The following POU6F1 variants were observed in gnomAD, a reference collection of about 807,000 sequenced individuals.
POU6F1 encodes POU domain, class 6, transcription factor 1.
Under a neutral mutation model 28.9 loss-of-function variants are expected in POU6F1, and 9 were observed. The ratio of observed to expected loss-of-function variants is 0.31; its 90% CI spans 0.19 to 0.54. The LOEUF (loss-of-function observed/expected upper bound fraction) is 0.54. Ranked by LOEUF, POU6F1 falls within the 20% of genes least tolerant of loss-of-function variation. The pLI is 0.94. For synonymous variants in POU6F1, 173 were observed against 171.1 expected (o/e 1.01, Z -0.09); for missense variants, 338 against 426.1 (o/e 0.79, Z 1.82).
intron 8 of POU6F1, among the ~76,000 whole-genome samples, chr12:51,193,802 CTATAAA>C (rs1942615505): frequency 6.6e-6 from 1 of 152,064 alleles, no homozygotes; most frequent in African/African-American, 2.4e-5. Context: ...TCAGAAGAAA[CTATAAA>C]TATATGAAAG....
Position 51,196,167 on chromosome 12 carries a change from C to A in POU6F1, c.982G>T (p.Gly328Ter). 1 of 1,512,840 alleles carries A rather than the reference C, an allele frequency of 6.6e-7. No homozygotes were observed. Among genetic ancestry groups the A allele is most frequent in the Non-Finnish European group, 8.8e-7 (1 of 1,133,496 alleles). The allele number at this position is 1,512,840 out of a possible 1,614,324, so 93.7% of individuals were successfully genotyped here. A position where few individuals can be genotyped will look rare whatever the true frequency, so the allele number is the denominator to read the frequency against. The change falls in exon 8 of 11, where the codon GGA becomes TGA. Residue 328 changes from glycine to a stop codon, truncating the protein, a stop_gained. Transcript: ENST00000333640. LOFTEE classifies it high-confidence loss of function. ...ILTNAQGQVI[G>*]TLPWVVNSAS... ...GAGTTCACTACCCATGGAAGGGTTC[C>A]AATAACCTGGGAGGAAATAAGGCAG...
At chr12:51,196,254 G>A in intron 7 of POU6F1, 81 bp from the exon 8 acceptor site, 1 of 1,202,288 alleles carries the variant, frequency 8.3e-7, no homozygotes, top group South Asian at 1.6e-5. Context: ...ACACCACCAG[G>A]GGAACAGACT....
chr12:51,211,296 T>C (rs1943968531), intron 1 of POU6F1, among the ~76,000 whole-genome samples: 1 of 152,174 alleles, frequency 6.6e-6, no homozygotes, highest in Non-Finnish European at 1.5e-5. Context: ...TGGTTAAAGC[T>C]GGGGAGAGAG....
chr12:51,214,665 T>C (rs1344211627), intron 1 of POU6F1, among the ~76,000 whole-genome samples: 1 of 152,016 alleles, frequency 6.6e-6, no homozygotes, highest in African/African-American at 2.4e-5. Context: ...GAGTCAAGGG[T>C]AGTAGCTCAC....
intron 10 of POU6F1, among the ~76,000 whole-genome samples, chr12:51,191,108 G>A (rs76568254): frequency 0.011 from 1,605 of 152,294 alleles, 12 homozygotes; most frequent in Non-Finnish European, 0.019. Flanking sequence ...TGAGCCATGC[G>A]CTTATTCTTG....
At chr12:51,205,033 G>GTTTTTTTTT (rs1565624178) in intron 2 of POU6F1, among the ~76,000 whole-genome samples, 2 of 140,790 alleles carry the variant, frequency 1.4e-5, no homozygotes, top group African/African-American at 5.3e-5. Flanking sequence ...CTGGACTGCA[G>GTTTTTTTTT]CTTTTTTTTT....
At chr12:51,198,185 C>A (rs1052508919) in intron 5 of POU6F1, 162 bp from the exon 6 acceptor site, 2 of 397,630 alleles carry the variant, frequency 5.0e-6, no homozygotes, top group Non-Finnish European at 8.9e-6. Flanking sequence ...CTGGCGCACG[C>A]CAGCATCTCT....
At chr12:51,205,491 G>A (rs1943532754) in intron 2 of POU6F1, among the ~76,000 whole-genome samples, 1 of 152,168 alleles carries the variant, frequency 6.6e-6, no homozygotes, top group Non-Finnish European at 1.5e-5. Flanking sequence ...CTGCCCAGAC[G>A]ACACACACTA....
At chr12:51,198,891 A>AT (rs1310997469) in intron 4 of POU6F1, 116 bp from the exon 5 acceptor site, 2 of 396,764 alleles carry the variant, frequency 5.0e-6, no homozygotes, top group African/African-American at 4.1e-5. Flanking sequence ...TCTGAGGGCG[A>AT]TGGGCCGAAG....
rs533915098 is a variant in POU6F1 at position 51,190,080 on chromosome 12, G to A, written c.*167C>T. 2.0e-4 allele frequency: 246 copies of A among 1,259,438 alleles called. 4 individuals are homozygous for A. The South Asian group carries it at 3.6e-3, about 18-fold the overall frequency. The allele number at this position is 1,259,438 out of a possible 1,614,324, so 78.0% of individuals were successfully genotyped here. A position where few individuals can be genotyped will look rare whatever the true frequency, so the allele number is the denominator to read the frequency against. On this transcript the variant is annotated 3_prime_UTR_variant, in exon 11 of 11. Transcript: ENST00000333640. This position sits in a 1 kb window ranked among gnomAD's most constrained non-coding sequence, Gnocchi z 4.5. ...CTGGCCTCCCCATGATGTGAGATGT[G>A]TGGGAGAAAAGAGGGACATTGATGC...
intron 2 of POU6F1, among the ~76,000 whole-genome samples, chr12:51,206,295 T>C (rs535508925): frequency 1.5e-4 from 23 of 150,734 alleles, no homozygotes; most frequent in South Asian, 8.4e-4. Flanking sequence ...TGGTGGTGGG[T>C]GCCTGTAGTC....
chr12:51,188,175 A>G lies in POU6F1; in HGVS notation c.*2072T>C, dbSNP rs2137074776. 1 of 152,284 alleles carries G rather than the reference A, an allele frequency of 6.6e-6. No individual in the cohort carries two copies. Among genetic ancestry groups the G allele is most frequent in the African/African-American group, 2.4e-5 (1 of 41,546 alleles). 9.4% of individuals were successfully genotyped at this position (152,284 alleles called of 1,614,324 possible). ...ACTCCAGACCTCAAATGATCCGCCC[A>G]CCTCGGCCTTCCAAAGTGTTGGAAT... is the stretch of plus-strand genomic sequence containing the variant. On this transcript the variant is annotated 3_prime_UTR_variant, in exon 11 of 11. Transcript: ENST00000333640.
chr12:51,213,022 C>T (rs1372917324), intron 1 of POU6F1, among the ~76,000 whole-genome samples: 2 of 151,714 alleles, frequency 1.3e-5, no homozygotes, highest in Non-Finnish European at 2.9e-5. Context: ...CTGCAACCTC[C>T]GCCTCCCAGG....
chr12:51,211,159 G>A (rs1565634655), intron 1 of POU6F1, among the ~76,000 whole-genome samples: 1 of 152,230 alleles, frequency 6.6e-6, no homozygotes, highest in Non-Finnish European at 1.5e-5. Flanking sequence ...CCATGATGCT[G>A]TGCAGTGCCC....
intron 3 of POU6F1, among the ~76,000 whole-genome samples, chr12:51,203,298 T>C (rs1303985336): frequency 7.2e-6 from 1 of 139,740 alleles, no homozygotes; most frequent in African/African-American, 3.4e-5. Flanking sequence ...AAACCTCCCC[T>C]GTTTTCTGAA....
chr12:51,216,754 G>A (rs1944305433), intron 1 of POU6F1, among the ~76,000 whole-genome samples: 1 of 152,182 alleles, frequency 6.6e-6, no homozygotes, highest in Non-Finnish European at 1.5e-5. Flanking sequence ...ATTTGGGAAG[G>A]GCAGATGAGG....
rs139547928 is a variant in POU6F1, at chr12:51,190,523, G to C, written c.1560C>G (p.Asn520Lys). The stretch of plus-strand genomic sequence containing the variant: ...CTTCCTGGTTCCGCAGTTCAGCTTC[G>C]TTTAGCCACTTTTCCAGCACCGGCT... ...KLKPVLEKWL[N>K]EAELRNQEGQ... The change falls in exon 11 of 11, where the codon AAC becomes AAG. Residue 520 changes from asparagine to lysine, a missense_variant. Around this residue, in one of 3 missense-constraint regions of POU6F1, gnomAD observed 126 missense variants for 176.5 expected, o/e 0.71. Coordinates refer to ENST00000333640, the MANE Select transcript of POU6F1 (RefSeq NM_001330422.2). This position sits in a 1 kb window ranked among gnomAD's most constrained non-coding sequence, Gnocchi z 4.5. 1.9e-6 allele frequency: 3 copies of C among 1,614,020 alleles called. No homozygotes were observed. The highest frequency in any genetic ancestry group is 2.5e-6 in the Non-Finnish European group (3 of 1,180,034).
chr12:51,216,465 C>T (rs1228882088), intron 1 of POU6F1, among the ~76,000 whole-genome samples: 1 of 152,178 alleles, frequency 6.6e-6, no homozygotes, highest in African/African-American at 2.4e-5. Flanking sequence ...AATAAAAACT[C>T]CATGATAGAA....
intron 9 of POU6F1, 26 bp downstream of exon 9, chr12:51,192,304 A>G: frequency 1.2e-6 from 2 of 1,612,138 alleles, no homozygotes; most frequent in Non-Finnish European, 1.7e-6. Flanking sequence ...CCACTTCTCC[A>G]CACTACTTCT....
Sources: allele counts gnomAD v4.1 joint callset (sites outside exome capture counted in the v4.1 genomes callset), GRCh38; gene constraint gnomAD v4.1.1; regional missense constraint gnomAD v4.1.1; non-coding constraint Gnocchi (gnomAD v3.1); transcripts MANE v1.5; gene names NCBI Gene and HGNC (gene_info 2026-07-23, HGNC 2026-07-21).